FAR2: variants seen among roughly 807,000 people sequenced by gnomAD.
FAR2 encodes the protein fatty acyl-CoA reductase 2, also known as epididymis secretory protein Li 81.
In FAR2, 19 loss-of-function variants were observed where a neutral mutation model predicts 56.0. The observed-to-expected ratio is 0.34, with a 90% CI of 0.24 to 0.50. The LOEUF (loss-of-function observed/expected upper bound fraction) is 0.50. Among genes scored for constraint, FAR2 ranks in the 20% least tolerant of loss-of-function variants. The pLI is 0.98. For synonymous variants in FAR2, 219 were observed against 218.8 expected (o/e 1.00, Z -0.01); for missense variants, 508 against 642.2 (o/e 0.79, Z 2.26).
At chr12:29,258,144 G>A (rs1259738572) in intron 1 of FAR2, among the ~76,000 whole-genome samples, 1 of 150,370 alleles carries the variant, frequency 6.7e-6, no homozygotes, top group Non-Finnish European at 1.5e-5. Flanking sequence ...AGGAATTCGA[G>A]ACTAGCCTGA....
At chr12:29,172,740 G>A (rs1303596159) in intron 1 of FAR2, among the ~76,000 whole-genome samples, 1 of 152,140 alleles carries the variant, frequency 6.6e-6, no homozygotes, top group Non-Finnish European at 1.5e-5. Context: ...TTTTCTTAAG[G>A]CCTCCCGTAG....
At chr12:29,322,750 TTTGTACCTG>T (rs1225384539) in intron 10 of FAR2, among the ~76,000 whole-genome samples, 1 of 152,212 alleles carries the variant, frequency 6.6e-6, no homozygotes, top group African/African-American at 2.4e-5. Flanking sequence ...TTTGTTTTAT[TTTGTACCTG>T]ACAGCATGTA....
intron 1 of FAR2, among the ~76,000 whole-genome samples, chr12:29,189,709 C>T (rs11615679): frequency 6.6e-6 from 1 of 152,138 alleles, no homozygotes; most frequent in African/African-American, 2.4e-5. Flanking sequence ...TGAGTTTGTA[C>T]TAATACACTG....
chr12:29,253,321 C>A (rs1057510870), intron 1 of FAR2, among the ~76,000 whole-genome samples: 1 of 150,786 alleles, frequency 6.6e-6, no homozygotes, highest in Non-Finnish European at 1.5e-5. Context: ...ATATCTATAT[C>A]TATCTAGATA....
At chr12:29,161,340 C>A (rs1260225821) in intron 1 of FAR2, among the ~76,000 whole-genome samples, 1 of 152,198 alleles carries the variant, frequency 6.6e-6, no homozygotes, top group Non-Finnish European at 1.5e-5. Context: ...CACAGATTAG[C>A]CAAGTTCAAA....
chr12:29,333,886 A>G lies in FAR2; in HGVS notation c.*92A>G. On this transcript the variant is annotated 3_prime_UTR_variant, in exon 12 of 12. Coordinates refer to ENST00000536681, the MANE Select transcript of FAR2 (RefSeq NM_001271783.2). The stretch of plus-strand genomic sequence containing the variant: ...TCAAGATTAGAAAGTAACAAGGAAT[A>G]TGCCCAAACTGTCAAATGTCACCTG... The G allele has an allele frequency of 8.3e-7, 1 of 1,204,780 alleles. No individual in the cohort carries two copies. The highest frequency in any genetic ancestry group is 2.4e-5 in the East Asian group (1 of 42,340). 74.6% of individuals were successfully genotyped at this position (1,204,780 alleles called of 1,614,324 possible). A position where few individuals can be genotyped will look rare whatever the true frequency, so the allele number is the denominator to read the frequency against.
chr12:29,162,532 A>G (rs189158024), intron 1 of FAR2, among the ~76,000 whole-genome samples: 5 of 152,346 alleles, frequency 3.3e-5, no homozygotes, highest in Middle Eastern at 3.4e-3. Context: ...CTGGTCTAAT[A>G]GATTAAGTAA....
At chr12:29,208,890 T>C (rs566457152) in intron 1 of FAR2, among the ~76,000 whole-genome samples, 1 of 152,196 alleles carries the variant, frequency 6.6e-6, no homozygotes, top group East Asian at 1.9e-4. Context: ...CATGGGAGAA[T>C]GTTCCAATGG....
intron 1 of FAR2, among the ~76,000 whole-genome samples, chr12:29,215,174 T>A (rs1947608003): frequency 6.6e-6 from 1 of 152,226 alleles, no homozygotes; most frequent in African/African-American, 2.4e-5. Flanking sequence ...AGGATCTTGA[T>A]GTATAATGAA....
chr12:29,247,751 A>G (rs914397766), intron 1 of FAR2, among the ~76,000 whole-genome samples: 1 of 152,254 alleles, frequency 6.6e-6, no homozygotes, highest in Non-Finnish European at 1.5e-5. Flanking sequence ...ATAAACCTGT[A>G]TAAGTCTCTT....
At chr12:29,187,733 G>A (rs1950057379) in intron 1 of FAR2, among the ~76,000 whole-genome samples, 1 of 152,200 alleles carries the variant, frequency 6.6e-6, no homozygotes, top group Admixed American at 6.5e-5. Flanking sequence ...GGATCTGTAT[G>A]TCTGCTTTTG....
chr12:29,183,365 C>T (rs967490836), intron 1 of FAR2, among the ~76,000 whole-genome samples: 2 of 152,144 alleles, frequency 1.3e-5, no homozygotes, highest in African/African-American at 4.8e-5. Flanking sequence ...GACTCACAAA[C>T]ATAATCTCCA....
At chr12:29,265,212 C>T (rs1327316428) in intron 1 of FAR2, among the ~76,000 whole-genome samples, 2 of 152,138 alleles carry the variant, frequency 1.3e-5, no homozygotes, top group East Asian at 3.9e-4. Context: ...AGACCCAGAT[C>T]TGCCAAAGCT....
intron 1 of FAR2, among the ~76,000 whole-genome samples, chr12:29,268,929 CATCAAGTCCTTTACAAG>C (rs1365187948): frequency 2.6e-5 from 4 of 152,090 alleles, no homozygotes; most frequent in African/African-American, 9.7e-5. Flanking sequence ...GGGTCACAGA[CATCAAGTCCTTTACAAG>C]GTAATAGAAT....
At chr12:29,210,714 G>T (rs992014511) in intron 1 of FAR2, among the ~76,000 whole-genome samples, 2 of 152,154 alleles carry the variant, frequency 1.3e-5, no homozygotes, top group Non-Finnish European at 2.9e-5. Flanking sequence ...AGCACTTTGG[G>T]AGGCCAAGGT....
chr12:29,170,785 T>G (rs1949878374), intron 1 of FAR2, among the ~76,000 whole-genome samples: 2 of 152,106 alleles, frequency 1.3e-5, no homozygotes, highest in Non-Finnish European at 2.9e-5. Flanking sequence ...TTTCTCTTTC[T>G]CTCTTTCCTT....
chr12:29,176,727 C>G (rs1360010768), intron 1 of FAR2, among the ~76,000 whole-genome samples: 1 of 152,142 alleles, frequency 6.6e-6, no homozygotes. Flanking sequence ...TGCCTAAGAT[C>G]TTGAATTCAG....
chr12:29,282,775 T>G (rs1480583503), intron 2 of FAR2, among the ~76,000 whole-genome samples: 1 of 152,182 alleles, frequency 6.6e-6, no homozygotes, highest in East Asian at 1.9e-4. Flanking sequence ...TGACTTCCAG[T>G]TTCCCTGCTG....
intron 1 of FAR2, among the ~76,000 whole-genome samples, chr12:29,263,836 AG>A (rs1435617409): frequency 6.6e-6 from 1 of 151,918 alleles, no homozygotes; most frequent in Non-Finnish European, 1.5e-5. Flanking sequence ...AGCAAAGAAA[AG>A]CTCATTATTT....
Sources: allele counts gnomAD v4.1 joint callset (sites outside exome capture counted in the v4.1 genomes callset), GRCh38; gene constraint gnomAD v4.1.1; transcripts MANE v1.5; gene names NCBI Gene and HGNC (gene_info 2026-07-23, HGNC 2026-07-21).